Variants in ERC1 observed in about 807,000 individuals in gnomAD.
ERC1 encodes the protein RAB6 interacting protein 2.
A neutral mutation model predicts 132.0 loss-of-function variants in ERC1; 56 were observed. The observed-to-expected ratio is 0.42, with a 90% confidence interval of 0.34 to 0.53. The LOEUF (loss-of-function observed/expected upper bound fraction) is 0.53, where lower values mean the gene tolerates loss of function less well. Ranked by LOEUF, ERC1 falls within the 20% of genes least tolerant of loss-of-function variation. The pLI, the probability that ERC1 is intolerant of heterozygous loss-of-function variation, is 0.03. For missense variants in ERC1, 1,202 were observed against 1,349.9 expected, an observed-to-expected ratio of 0.89 and a Z score of 1.72; for synonymous variants, 478 against 476.1, an observed-to-expected ratio of 1.00 and a Z score of -0.05.
intron 14 of ERC1, among the ~76,000 whole-genome samples, chr12:1,287,156 G>T (rs184911980): frequency 6.6e-6 from 1 of 152,186 alleles, no homozygotes; most frequent in African/African-American, 2.4e-5. Flanking sequence ...GGTTAAGATA[G>T]AATAGATTTT....
chr12:1,303,576 G>A (rs962400151), intron 15 of ERC1, among the ~76,000 whole-genome samples: 2 of 151,260 alleles, frequency 1.3e-5, no homozygotes, highest in African/African-American at 4.9e-5. Context: ...GAGGCGGAGC[G>A]TGCAGTGAGC....
chr12:1,119,975 CA>C lies in ERC1; in HGVS notation c.1569+3943del, dbSNP rs545301220. Among the ~76,000 whole-genome samples the C allele has an allele frequency of 3.1e-4, 47 of 151,986 alleles. 1 individual carries two copies. In the East Asian group the frequency reaches 7.7e-3, roughly 25 times the overall value. ...CTGTTCTCATCTGAATATGGAGGGA[CA>C]TTTTTTTATTAATTTATTATTTTTT... On this transcript the variant is annotated intron_variant, in intron 7 of 18. Coordinates refer to ENST00000360905, the MANE Select transcript of ERC1 (RefSeq NM_178040.4).
At chr12:1,093,313 G>T (rs1013807649) in intron 3 of ERC1, among the ~76,000 whole-genome samples, 3 of 152,044 alleles carry the variant, frequency 2.0e-5, no homozygotes, top group Non-Finnish European at 4.4e-5. Flanking sequence ...GTATTATTTC[G>T]CTGTAGCTCC....
rs560361526 is a variant in ERC1, at chr12:1,492,257, G to T, written c.*2027G>T. 8.6e-6 allele frequency: 2 copies of T among 233,120 alleles called. No homozygotes were observed. The highest frequency in any genetic ancestry group is 1.7e-5 in the Non-Finnish European group (2 of 118,020). 14.4% of individuals were successfully genotyped at this position (233,120 alleles called of 1,614,324 possible). On this transcript the variant is annotated 3_prime_UTR_variant, in exon 19 of 19. Transcript: ENST00000360905. ...GTTAGATAGTAAGTGGTGGTCGTTT[G>T]TGGTCAGTTACCTCAATTCTGTTCA...
chr12:1,417,551 G>A lies in ERC1; in HGVS notation c.3024+9304G>A, dbSNP rs146237706. ...TCCCAGCACTTTGGGAGACCCAGGC[G>A]GGCAGATCACCCTAAGGTCAGGAGT... On this transcript the variant is annotated intron_variant, in intron 17 of 18. Transcript: ENST00000360905. Among the ~76,000 whole-genome samples, 581 of 152,014 alleles carry A rather than the reference G, an allele frequency of 3.8e-3. 4 individuals are homozygous for A. The highest frequency in any genetic ancestry group is 0.013 in the African/African-American group (530 of 41,456).
chr12:1,464,322 AGG>A, intron 18 of ERC1, among the ~76,000 whole-genome samples: 1 of 152,078 alleles, frequency 6.6e-6, no homozygotes, highest in East Asian at 1.9e-4. Flanking sequence ...ATCTCAGAGA[AGG>A]GGAGTTCTGG....
chr12:1,436,205 G>A (rs2154406088), intron 17 of ERC1, among the ~76,000 whole-genome samples: 1 of 151,984 alleles, frequency 6.6e-6, no homozygotes, highest in Admixed American at 6.6e-5. Flanking sequence ...CTCTTATCCT[G>A]ACCTTGAAAT....
chr12:1,412,516 T>A (rs1794145296), intron 17 of ERC1, among the ~76,000 whole-genome samples: 1 of 152,206 alleles, frequency 6.6e-6, no homozygotes, highest in Non-Finnish European at 1.5e-5. Context: ...CACCACCATG[T>A]ACTAGCTTCT....
At chr12:999,919 T>C (rs1001064377) in intron 1 of ERC1, among the ~76,000 whole-genome samples, 3 of 152,140 alleles carry the variant, frequency 2.0e-5, no homozygotes, top group Non-Finnish European at 4.4e-5. Context: ...TAAGATTCCT[T>C]CCAATCTTGA....
At chr12:1,315,660 A>G (rs1175267942) in intron 15 of ERC1, among the ~76,000 whole-genome samples, 1 of 151,994 alleles carries the variant, frequency 6.6e-6, no homozygotes, top group Non-Finnish European at 1.5e-5. Flanking sequence ...CCTCTTCCCA[A>G]ATTTATTCTC....
chr12:1,258,703 T>TA (rs1013793238), intron 13 of ERC1, among the ~76,000 whole-genome samples: 127 of 152,318 alleles, frequency 8.3e-4, no homozygotes, highest in African/African-American at 2.5e-3. Flanking sequence ...TTGTCCCTTT[T>TA]AAAAAATGTT....
chr12:1,487,372 A>ATTTTTT (rs574707385), intron 18 of ERC1, among the ~76,000 whole-genome samples: 6 of 57,918 alleles, frequency 1.0e-4, no homozygotes, highest in Admixed American at 3.3e-4. Flanking sequence ...AAGCATCTAG[A>ATTTTTT]TTTTTTTTTT....
chr12:1,374,086 A>C (rs1245812496), intron 16 of ERC1, among the ~76,000 whole-genome samples: 2 of 152,230 alleles, frequency 1.3e-5, no homozygotes, highest in African/African-American at 4.8e-5. Context: ...AGTGTGTACT[A>C]ACTTTTGGAC....
chr12:1,291,296 T>C (rs1351130173), intron 15 of ERC1, among the ~76,000 whole-genome samples: 1 of 152,068 alleles, frequency 6.6e-6, no homozygotes, highest in Non-Finnish European at 1.5e-5. Flanking sequence ...TGGATTGGCA[T>C]AGGGGGAGAA....
At chr12:1,424,860 A>AGATAGATCGATCGATC (rs2092576250) in intron 17 of ERC1, among the ~76,000 whole-genome samples, 1 of 110,666 alleles carries the variant, frequency 9.0e-6, no homozygotes, top group Non-Finnish European at 1.8e-5. Context: ...ATAGATAGAT[A>AGATAGATCGATCGATC]GATCGATAGA....
At chr12:1,265,896 C>T (rs975570229) in intron 14 of ERC1, among the ~76,000 whole-genome samples, 3 of 152,136 alleles carry the variant, frequency 2.0e-5, no homozygotes, top group Non-Finnish European at 4.4e-5. Context: ...TTCTCTTTAT[C>T]TCTGAATGAT....
intron 15 of ERC1, among the ~76,000 whole-genome samples, chr12:1,346,840 G>C (rs924368292): frequency 6.6e-6 from 1 of 151,128 alleles, no homozygotes; most frequent in African/African-American, 2.4e-5. Context: ...TACTGGGGAG[G>C]CTGAGGCAGG....
chr12:1,154,350 T>TA (rs1178785857), intron 8 of ERC1, among the ~76,000 whole-genome samples: 10 of 60,020 alleles, frequency 1.7e-4, no homozygotes, highest in African/African-American at 7.1e-4. Flanking sequence ...CCCATGTGTG[T>TA]TTATACACAC....
chr12:1,175,709 A>G (rs1045587743), intron 8 of ERC1, among the ~76,000 whole-genome samples: 5 of 151,754 alleles, frequency 3.3e-5, no homozygotes, highest in African/African-American at 1.2e-4. Flanking sequence ...AACTTTTTGT[A>G]TTTTCAGTAG....
Sources: gnomAD v4.1 joint callset for allele counts (sites outside exome capture counted in the v4.1 genomes callset) on GRCh38, gnomAD v4.1.1 for gene constraint, MANE v1.5 for transcripts, NCBI Gene and HGNC (gene_info 2026-07-23, HGNC 2026-07-21) for gene names.